Variants in CACNA1H observed in about 807,000 individuals in gnomAD.
CACNA1H encodes the protein voltage-dependent T-type calcium channel subunit alpha-1H.
CACNA1H carries 149 observed loss-of-function variants against 192.5 expected under a neutral mutation model. That is an observed-to-expected ratio of 0.77 (90% CI 0.68 to 0.89). CACNA1H has a LOEUF of 0.89. Among genes scored for constraint, CACNA1H ranks in the 40% least tolerant of loss-of-function variants. The pLI, the probability that CACNA1H is intolerant of heterozygous loss-of-function variation, is 0.00. For missense variants in CACNA1H, 4,257 were observed against 3,423.5 expected, an observed-to-expected ratio of 1.24 and a Z score of -6.08; for synonymous variants, 2,202 against 1,475.2, an observed-to-expected ratio of 1.49 and a Z score of -11.29.
At chr16:1,157,129 C>A (rs1000657930) in intron 2 of CACNA1H, 1 of 152,308 alleles carries the variant, frequency 6.6e-6, no homozygotes, top group Non-Finnish European at 1.5e-5. Flanking sequence ...TCCCGGCACA[C>A]GGACGGGGCG....
chr16:1,156,563 G>A (rs541884443), intron 2 of CACNA1H, among the ~76,000 whole-genome samples: 1 of 152,124 alleles, frequency 6.6e-6, no homozygotes, highest in African/African-American at 2.4e-5. Flanking sequence ...GACTGGTGTG[G>A]CTGGGGTGTG....
rs777692032 is a variant in CACNA1H at position 1,195,491 on chromosome 16, C to T, written c.471C>T (p.Ala157=). Residue 157 remains alanine (A), a synonymous_variant, in exon 4 of 35, where the codon GCC becomes GCT. Coordinates refer to ENST00000348261, the MANE Select transcript of CACNA1H (RefSeq NM_021098.3). The part of the protein sequence containing the change: ...FAVEMVIKMV[A]LGLFGQKCYL... ...TGGAGATGGTCATCAAGATGGTGGC[C>T]TTGGGGCTGTTCGGGCAGAAGTGTT... 49 of 1,595,170 alleles carry T rather than the reference C, an allele frequency of 3.1e-5. No homozygotes were observed. Among genetic ancestry groups the T allele is most frequent in the Non-Finnish European group, 3.8e-5 (44 of 1,170,962 alleles).
chr16:1,219,088 C>T lies in CACNA1H; in HGVS notation c.6006C>T (p.Gly2002=), dbSNP rs1351049081. The T allele has an allele frequency of 6.5e-7, 1 of 1,548,554 alleles. No homozygotes were observed. The highest frequency in any genetic ancestry group is 8.7e-7 in the Non-Finnish European group (1 of 1,146,130). The change falls in exon 34 of 35, where the codon GGC becomes GGT. Residue 2002 remains glycine, a synonymous_variant. Coordinates refer to ENST00000348261, the MANE Select transcript of CACNA1H (RefSeq NM_021098.3). ...CCCTCCACGCCCTGTCCCCTCGGGG[C>T]ACAGCCCGCTCCCCCAGTCTCAGCC... ...GEPLHALSPR[G]TARSPSLSRL...
intron 2 of CACNA1H, among the ~76,000 whole-genome samples, chr16:1,190,391 A>G (rs1200153459): frequency 6.6e-6 from 1 of 152,208 alleles, no homozygotes; most frequent in Non-Finnish European, 1.5e-5. Context: ...GCCTGTCCTC[A>G]GCTGCCCACA....
chr16:1,205,562 A>C (rs1968594227), intron 11 of CACNA1H, among the ~76,000 whole-genome samples: 1 of 152,230 alleles, frequency 6.6e-6, no homozygotes, highest in South Asian at 2.1e-4. Context: ...GGAACAAAGC[A>C]GGTGTGGGGT....
intron 2 of CACNA1H, among the ~76,000 whole-genome samples, chr16:1,166,241 G>T (rs146489533): frequency 6.6e-6 from 1 of 152,202 alleles, no homozygotes; most frequent in African/African-American, 2.4e-5. Context: ...CTTTGCGTCC[G>T]GAGTGGGGTC....
intron 33 of CACNA1H, 56 bp downstream of exon 33, chr16:1,218,707 A>G (rs1184691873): frequency 5.0e-4 from 316 of 631,296 alleles, no homozygotes; most frequent in Non-Finnish European, 7.4e-4. Flanking sequence ...AGGGAGGAAG[A>G]TGGGGGCAGG....
chr16:1,180,693 A>T lies in CACNA1H; in HGVS notation c.300-14279A>T, dbSNP rs910319425. 2.0e-4 allele frequency among the ~76,000 whole-genome samples: 31 copies of T among 152,004 alleles called. No individual in the cohort carries two copies. Among genetic ancestry groups the T allele is most frequent in the African/African-American group, 7.0e-4 (29 of 41,484 alleles). ...CCTGGGCAGGGCGGGGCAGGGAGGG[A>T]TGAGGTGCAGACTGGGGAGAGTGCA... On this transcript the variant is annotated intron_variant, in intron 2 of 34. Coordinates refer to ENST00000348261, the MANE Select transcript of CACNA1H (RefSeq NM_021098.3). This position sits in a 1 kb window ranked among gnomAD's most constrained non-coding sequence, Gnocchi z 4.4.
At position 1,210,950 on chromosome 16, in the gene CACNA1H, T is replaced by C; in HGVS notation, c.4202T>C (p.Leu1401Pro). The C allele has an allele frequency of 1.3e-6, 2 of 1,597,760 alleles. No homozygotes were observed. The highest frequency in any genetic ancestry group is 1.1e-5 in the South Asian group (1 of 90,958). ...GGTGTTCTGCGCGTGCTGCGTCTGC[T>C]GCGGACCCTGCGGCCTCTGAGGTGG... is the stretch of plus-strand genomic sequence containing the variant. ...ILGVLRVLRLLRTLRPLRVIS... is the reference protein window; with the variant it reads ...ILGVLRVLRLPRTLRPLRVIS... Residue 1401 changes from leucine to proline, a missense_variant, in exon 21 of 35, where the codon CTG becomes CCG. Physicochemically the swap from Leu to Pro is moderately conservative, Grantham distance 98 (BLOSUM62 -3). Transcript: ENST00000348261.
chr16:1,206,983 C>G lies in CACNA1H; in HGVS notation c.2790-18C>G. 1.3e-6 allele frequency: 2 copies of G among 1,533,944 alleles called. No individual in the cohort carries two copies. The highest frequency in any genetic ancestry group is 1.2e-5 in the South Asian group (1 of 84,614). ...ACCCCTGCCTCCACCCTCAACACGC[C>G]CCTGCCCCCACCCTCAGCATCCTGG... On this transcript the variant is annotated intron_variant, in intron 12 of 34. Coordinates refer to ENST00000348261, the MANE Select transcript of CACNA1H (RefSeq NM_021098.3).
chr16:1,192,173 G>A lies in CACNA1H; in HGVS notation c.300-2799G>A, dbSNP rs146346860. On this transcript the variant is annotated intron_variant, in intron 2 of 34. Transcript: ENST00000348261. ...ACTAAACCAGACGGTCCGAGAGGTC[G>A]GGGAGGGGCACCCAGGCCCCCTCCT... 7.9e-5 allele frequency among the ~76,000 whole-genome samples: 12 copies of A among 152,344 alleles called. No homozygotes were observed. In the East Asian group the frequency reaches 2.3e-3, roughly 29 times the overall value.
At chr16:1,188,960 AC>A (rs1430424153) in intron 2 of CACNA1H, among the ~76,000 whole-genome samples, 8 of 151,846 alleles carry the variant, frequency 5.3e-5, no homozygotes, top group Non-Finnish European at 1.0e-4. Context: ...TCTGCGGTGC[AC>A]TGGAGCTGGG....
chr16:1,206,819 G>A (rs918797812), intron 12 of CACNA1H, 182 bp from the exon 13 acceptor site: 12 of 591,628 alleles, frequency 2.0e-5, no homozygotes, highest in Non-Finnish European at 3.6e-5. Context: ...GAGTTGTAGG[G>A]CAGGAAGTCC....
At chr16:1,181,620 G>C (rs1295835815) in intron 2 of CACNA1H, among the ~76,000 whole-genome samples, 1 of 152,252 alleles carries the variant, frequency 6.6e-6, no homozygotes, top group African/African-American at 2.4e-5. Flanking sequence ...CTTTATTAGA[G>C]ATAAATAGGT....
In CACNA1H at chr16:1,195,080, GGAGGT is replaced by G. The variant is rs759261459; in HGVS notation, c.411+2_411+6del. The G allele has an allele frequency of 6.3e-7, 1 of 1,596,976 alleles. No homozygotes were observed. The highest frequency in any genetic ancestry group is 8.6e-7 in the Non-Finnish European group (1 of 1,167,152). ...GCGGCTCCGAGCGCTGCAACATCCT[GGAGGT>G]GAGGGGCGTGGGTCGGGGTGGGGAA... is the stretch of plus-strand genomic sequence containing the variant. On this transcript the variant is annotated splice_donor_variant and coding_sequence_variant, in exon 3 of 35. Transcript: ENST00000348261. LOFTEE classifies it high-confidence loss of function.
At chr16:1,217,896 G>A (rs72552050) in intron 31 of CACNA1H, 23 bp from the exon 32 acceptor site, 94 of 1,582,288 alleles carry the variant, frequency 5.9e-5, no homozygotes, top group East Asian at 4.2e-4. Context: ...TCGGCTGACC[G>A]GGCGGGGTCT....
intron 6 of CACNA1H, among the ~76,000 whole-genome samples, chr16:1,199,791 C>A (rs150810726): frequency 6.6e-6 from 1 of 151,774 alleles, no homozygotes; most frequent in African/African-American, 2.4e-5. Context: ...TCCTCTCAGC[C>A]CTCACCCCAG....
chr16:1,186,593 G>A (rs539148833), intron 2 of CACNA1H, among the ~76,000 whole-genome samples: 1 of 152,052 alleles, frequency 6.6e-6, no homozygotes. Flanking sequence ...CATGCCCCTC[G>A]AGATGGCCTG....
At chr16:1,161,107 G>T (rs1266674423) in intron 2 of CACNA1H, among the ~76,000 whole-genome samples, 1 of 152,210 alleles carries the variant, frequency 6.6e-6, no homozygotes, top group Non-Finnish European at 1.5e-5. Flanking sequence ...TGCAGAACTG[G>T]CTCCTGCAGA....
Sources: gnomAD v4.1 joint callset for allele counts (sites outside exome capture counted in the v4.1 genomes callset) on GRCh38, gnomAD v4.1.1 for gene constraint, Gnocchi (gnomAD v3.1) non-coding constraint, MANE v1.5 for transcripts, NCBI Gene and HGNC (gene_info 2026-07-23, HGNC 2026-07-21) for gene names.